Variants in CSMD3 observed in about 807,000 individuals in gnomAD.
CSMD3 encodes the protein CUB and sushi domain-containing protein 3.
CSMD3 carries 177 observed loss-of-function variants against 435.2 expected under a neutral mutation model. The observed-to-expected ratio is 0.41, with a 90% confidence interval of 0.36 to 0.46. The LOEUF (loss-of-function observed/expected upper bound fraction) is 0.46, where lower values mean the gene tolerates loss of function less well. CSMD3 is among the 20% of genes least tolerant of loss of function. CSMD3 has a pLI of 0.34. For synonymous variants in CSMD3, 1,656 were observed against 1,520.5 expected, an observed-to-expected ratio of 1.09 and a Z score of -2.07; for missense variants, 4,265 against 4,504.6, an observed-to-expected ratio of 0.95 and a Z score of 1.52.
chr8:112,494,835 G>C (rs1821175406), intron 30 of CSMD3, among the ~76,000 whole-genome samples: 1 of 152,046 alleles, frequency 6.6e-6, no homozygotes, highest in African/African-American at 2.4e-5. Context: ...AAACCTGTTG[G>C]GGAGGAGGTG....
chr8:112,881,829 G>A (rs530839079), intron 10 of CSMD3, among the ~76,000 whole-genome samples: 77 of 152,082 alleles, frequency 5.1e-4, no homozygotes, highest in African/African-American at 1.8e-3. Context: ...CTACTGCTGG[G>A]AATTGGGTCA....
chr8:112,358,013 C>T (rs936217650), intron 38 of CSMD3, among the ~76,000 whole-genome samples: 1 of 152,150 alleles, frequency 6.6e-6, no homozygotes, highest in Non-Finnish European at 1.5e-5. Context: ...TCAATGTTAG[C>T]AGACAGGAGT....
chr8:113,108,038 A>C (rs1300446785), intron 4 of CSMD3, among the ~76,000 whole-genome samples: 2 of 152,204 alleles, frequency 1.3e-5, no homozygotes, highest in African/African-American at 4.8e-5. Flanking sequence ...ATTTCAAAGA[A>C]TACATCACAG....
chr8:113,422,242 T>C (rs1280926302), intron 1 of CSMD3, among the ~76,000 whole-genome samples: 1 of 152,162 alleles, frequency 6.6e-6, no homozygotes, highest in Non-Finnish European at 1.5e-5. Flanking sequence ...CCTCTGTTAA[T>C]CTCTTTATTG....
At position 113,337,630 on chromosome 8, in the gene CSMD3, A is replaced by T. The variant is rs1460298559; in HGVS notation, c.179-22837T>A. Among the ~76,000 whole-genome samples, 3 of 152,098 alleles carry T rather than the reference A, an allele frequency of 2.0e-5. No individual in the cohort carries two copies. The East Asian group carries it at 5.8e-4, about 29-fold the overall frequency. ...AAGAGAAAATTTAAAAAATAGATAA[A>T]TTAGATTTTATCAAAATTAAAAGCT... On this transcript the variant is annotated intron_variant, in intron 1 of 70. Coordinates refer to ENST00000297405, the MANE Select transcript of CSMD3 (RefSeq NM_198123.2).
At chr8:113,065,678 G>A (rs984681205) in intron 5 of CSMD3, among the ~76,000 whole-genome samples, 3 of 151,932 alleles carry the variant, frequency 2.0e-5, no homozygotes, top group African/African-American at 7.3e-5. Flanking sequence ...GTGAGCCACC[G>A]TGCCTGGCAA....
Position 112,390,796 on chromosome 8 carries a change from T to C in CSMD3, c.5810-8A>G, listed in dbSNP as rs770889338. 8 of 1,613,082 alleles carry C rather than the reference T, an allele frequency of 5.0e-6. No homozygotes were observed. The South Asian group carries it at 7.7e-5, about 15-fold the overall frequency. On this transcript the variant is annotated splice_polypyrimidine_tract_variant and splice_region_variant and intron_variant, in intron 35 of 70. Transcript: ENST00000297405. ...AAATTCCACCACAGGGCACTGAAAA[T>C]AAAGCAGTCCAAGAGAGGGAGTTAA...
chr8:113,216,870 T>A (rs990234241), intron 3 of CSMD3, among the ~76,000 whole-genome samples: 2 of 151,624 alleles, frequency 1.3e-5, no homozygotes, highest in Non-Finnish European at 2.9e-5. Context: ...AAGAAGGGGG[T>A]CTTGAGTGTT....
chr8:112,642,876 T>A (rs888940224), intron 20 of CSMD3, among the ~76,000 whole-genome samples: 2 of 152,206 alleles, frequency 1.3e-5, no homozygotes. Flanking sequence ...ACACAAATAC[T>A]GTCTTCTTCA....
At chr8:112,397,232 A>G (rs1470364783) in intron 35 of CSMD3, among the ~76,000 whole-genome samples, 1 of 152,194 alleles carries the variant, frequency 6.6e-6, no homozygotes, top group Non-Finnish European at 1.5e-5. Context: ...AAATGGTAAA[A>G]CTTAAACTTG....
intron 32 of CSMD3, among the ~76,000 whole-genome samples, chr8:112,413,191 A>T (rs1478700189): frequency 6.6e-6 from 1 of 152,044 alleles, no homozygotes; most frequent in Non-Finnish European, 1.5e-5. Flanking sequence ...TTCCTAGTTC[A>T]TTTTCTCCCC....
intron 12 of CSMD3, among the ~76,000 whole-genome samples, chr8:112,816,867 T>C (rs16884117): frequency 0.014 from 2,123 of 151,810 alleles, 52 homozygotes; most frequent in African/African-American, 0.049. Flanking sequence ...CAGAAGTGTG[T>C]GTGTGTTTAA....
At chr8:112,352,357 T>G in intron 39 of CSMD3, 59 bp downstream of exon 39, 1 of 1,607,646 alleles carries the variant, frequency 6.2e-7, no homozygotes, top group Non-Finnish European at 8.5e-7. Flanking sequence ...AATCATTGAT[T>G]TGTAAAATAT....
chr8:112,409,049 C>A lies in CSMD3; in HGVS notation c.5396-17G>T, dbSNP rs746649192. The A allele has an allele frequency of 3.7e-6, 6 of 1,612,596 alleles. No homozygotes were observed. The African/African-American group carries it at 4.0e-5, about 11-fold the overall frequency. On this transcript the variant is annotated splice_polypyrimidine_tract_variant and intron_variant, in intron 32 of 70. Coordinates refer to ENST00000297405, the MANE Select transcript of CSMD3 (RefSeq NM_198123.2). ...CAAACACCACTGATCAACAGGAACC[C>A]GGAGAAGCAAACAAATCACCAACCA...
chr8:112,618,318 A>C (rs962722573), intron 22 of CSMD3, among the ~76,000 whole-genome samples: 9 of 152,096 alleles, frequency 5.9e-5, no homozygotes, highest in African/African-American at 2.2e-4. Flanking sequence ...CAGAAATAGA[A>C]ATAAAAGAAA....
chr8:112,364,344 T>A (rs58364548), intron 38 of CSMD3, among the ~76,000 whole-genome samples: 59,799 of 151,662 alleles, frequency 0.39, 13,265 homozygotes, highest in Middle Eastern at 0.54. Flanking sequence ...GAAAATCTAT[T>A]CATTATGGTA....
rs550135987 is a variant in CSMD3, at chr8:113,246,368, A to G, written c.514+32224T>C. 2.6e-5 allele frequency among the ~76,000 whole-genome samples: 4 copies of G among 151,872 alleles called. No homozygotes were observed. In the South Asian group the frequency reaches 8.3e-4, roughly 32 times the overall value. On this transcript the variant is annotated intron_variant, in intron 3 of 70. Coordinates refer to ENST00000297405, the MANE Select transcript of CSMD3 (RefSeq NM_198123.2). ...ACCTTCTGTTAATCTCATCTAGCAA[A>G]TTTTTTATTTTAGTTGTTATACTTT...
Position 112,347,240 on chromosome 8 carries a change from C to T in CSMD3, c.6326-1027G>A, listed in dbSNP as rs576450453. 1.9e-4 allele frequency among the ~76,000 whole-genome samples: 29 copies of T among 152,180 alleles called. No homozygotes were observed. The South Asian group carries it at 2.1e-3, about 11-fold the overall frequency. On this transcript the variant is annotated intron_variant, in intron 40 of 70. Coordinates refer to ENST00000297405, the MANE Select transcript of CSMD3 (RefSeq NM_198123.2). Reference sequence around the variant, plus strand: ...AGTTTTTAAATATAATTAGATAGAACCCTTGAGCATATATGAAAGGCAATT... The same window carrying T: ...AGTTTTTAAATATAATTAGATAGAATCCTTGAGCATATATGAAAGGCAATT...
chr8:112,682,772 T>G (rs1390165047), intron 15 of CSMD3, 136 bp from the exon 16 acceptor site: 2 of 697,086 alleles, frequency 2.9e-6, no homozygotes, highest in Non-Finnish European at 4.9e-6. Context: ...AAGTTTTTAT[T>G]TATTTACTTT....
Sources: gnomAD v4.1 joint callset for allele counts (sites outside exome capture counted in the v4.1 genomes callset) on GRCh38, gnomAD v4.1.1 for gene constraint, MANE v1.5 for transcripts, NCBI Gene and HGNC (gene_info 2026-07-23, HGNC 2026-07-21) for gene names.